The following ATP9B variants were observed in gnomAD, a reference collection of about 807,000 sequenced individuals.
The protein encoded by ATP9B is ATPase phospholipid transporting 9B.
A neutral mutation model predicts 146.1 loss-of-function variants in ATP9B; 110 were observed. The observed-to-expected ratio is 0.75, with a 90% confidence interval of 0.65 to 0.88. The LOEUF is 0.88. ATP9B is among the 40% of genes least tolerant of loss of function. The pLI is 0.00. For missense variants in ATP9B, 1,499 were observed against 1,496.4 expected (o/e 1.00, Z -0.03); for synonymous variants, 604 against 569.7 (o/e 1.06, Z -0.86).
At chr18:79,250,279 GTTATGCATT>G (rs895961020) in intron 11 of ATP9B, among the ~76,000 whole-genome samples, 6 of 152,170 alleles carry the variant, frequency 3.9e-5, no homozygotes, top group Non-Finnish European at 8.8e-5. Flanking sequence ...TGAGGTGGTG[GTTATGCATT>G]TTGCAAGACA....
At chr18:79,280,440 G>A (rs1454637384) in intron 13 of ATP9B, among the ~76,000 whole-genome samples, 12 of 152,124 alleles carry the variant, frequency 7.9e-5, no homozygotes, top group Admixed American at 7.2e-4. Flanking sequence ...ATTTAAGAAA[G>A]AGGGTCACTA....
At chr18:79,255,597 G>A (rs983998330) in intron 12 of ATP9B, among the ~76,000 whole-genome samples, 4 of 152,258 alleles carry the variant, frequency 2.6e-5, no homozygotes, top group Non-Finnish European at 5.9e-5. Context: ...TGGAATGCCT[G>A]TCTCAGGCAA....
chr18:79,253,726 G>T, intron 12 of ATP9B, 185 bp downstream of exon 12: 1 of 576,324 alleles, frequency 1.7e-6, no homozygotes. Context: ...ATCAGTGCCG[G>T]TAGAATGATC....
chr18:79,072,611 C>G (rs1047422971), intron 1 of ATP9B, among the ~76,000 whole-genome samples: 10 of 152,344 alleles, frequency 6.6e-5, no homozygotes, highest in Non-Finnish European at 5.9e-5. Flanking sequence ...TCCCCCTTTT[C>G]TGTTCGACAA....
At chr18:79,365,475 C>A (rs2097021103) in intron 26 of ATP9B, among the ~76,000 whole-genome samples, 5 of 152,234 alleles carry the variant, frequency 3.3e-5, no homozygotes, top group Admixed American at 3.3e-4. Context: ...ATGTATTTAC[C>A]CCATGACCCA....
intron 11 of ATP9B, among the ~76,000 whole-genome samples, chr18:79,233,365 A>G (rs1461004022): frequency 6.6e-6 from 1 of 152,200 alleles, no homozygotes; most frequent in Non-Finnish European, 1.5e-5. Context: ...AATTTGAAGT[A>G]ATAAGTCTGA....
intron 15 of ATP9B, among the ~76,000 whole-genome samples, chr18:79,327,874 A>C (rs62096812): frequency 2.2e-4 from 3 of 13,896 alleles, no homozygotes; most frequent in Admixed American, 9.3e-4. Flanking sequence ...CGTGCTCTCC[A>C]TGGATAGTGT....
At chr18:79,240,553 C>G (rs1017879475) in intron 11 of ATP9B, among the ~76,000 whole-genome samples, 27 of 152,176 alleles carry the variant, frequency 1.8e-4, no homozygotes, top group African/African-American at 6.3e-4. Context: ...CGAGACCAGT[C>G]TGACCAACAT....
Position 79,182,681 on chromosome 18 carries a change from C to G in ATP9B, c.873+5774C>G, listed in dbSNP as rs186672173. 6.6e-5 allele frequency among the ~76,000 whole-genome samples: 10 copies of G among 152,200 alleles called. No homozygotes were observed. In the East Asian group the frequency reaches 1.9e-3, roughly 29 times the overall value. The stretch of plus-strand genomic sequence containing the variant: ...GTTACCACAACATGACTTGTAGAAG[C>G]CCTTGATTAATTTTTAATGAAAAAT... On this transcript the variant is annotated intron_variant, in intron 8 of 29. Transcript: ENST00000426216.
At chr18:79,076,558 TTC>T (rs2072640006) in intron 1 of ATP9B, among the ~76,000 whole-genome samples, 1 of 151,646 alleles carries the variant, frequency 6.6e-6, no homozygotes, top group Non-Finnish European at 1.5e-5. Context: ...GGTGTCACTT[TTC>T]TCTTACTACT....
At position 79,330,087 on chromosome 18, in the gene ATP9B, G is replaced by A; in HGVS notation, c.2011G>A (p.Asp671Asn). The change falls in exon 17 of 30, where the codon GAC becomes AAC. Residue 671 changes from aspartate to asparagine, a missense_variant. Asp to Asn is a conservative substitution (Grantham distance 23). Coordinates refer to ENST00000426216, the MANE Select transcript of ATP9B (RefSeq NM_198531.5). ...CATGTCTCCTATCGTGCAGTATAATGACTGGCTGGAAGAGGAGGTATGTGA... is the reference window on the plus strand; with the variant it reads ...CATGTCTCCTATCGTGCAGTATAATAACTGGCTGGAAGAGGAGGTATGTGA... ...VAMSPIVQYN[D>N]WLEEECGNMA... is the part of the protein sequence containing the mutation. 2 of 1,614,086 alleles carry A rather than the reference G, an allele frequency of 1.2e-6. No individual in the cohort carries two copies. Among genetic ancestry groups the A allele is most frequent in the East Asian group, 2.2e-5 (1 of 44,878 alleles).
rs1248549724 is a variant in ATP9B at position 79,239,925 on chromosome 18, C to G, written c.1108-13456C>G. On this transcript the variant is annotated intron_variant, in intron 11 of 29. Coordinates refer to ENST00000426216, the MANE Select transcript of ATP9B (RefSeq NM_198531.5). The surrounding 1 kb of genome is among the most constrained non-coding windows in gnomAD (Gnocchi z 5.1). ...TGAGCGGAGAGGCTTGCTCTGCCTG[C>G]GTCCCCATCAGCGGTGACCAGCAGA... Among the ~76,000 whole-genome samples, 1 of 152,200 alleles carries G rather than the reference C, an allele frequency of 6.6e-6. No homozygotes were observed. Among genetic ancestry groups the G allele is most frequent in the East Asian group, 1.9e-4 (1 of 5,180 alleles).
rs562326814 is a variant in ATP9B at position 79,213,358 on chromosome 18, T to C, written c.1031-604T>C. 2.8e-3 allele frequency among the ~76,000 whole-genome samples: 431 copies of C among 152,274 alleles called. 5 individuals carry two copies. The highest frequency in any genetic ancestry group is 9.9e-3 in the African/African-American group (410 of 41,568). ...GGTCATACCAAGGATATTTTATTAT[T>C]CTTTTCTCTTAAATTTAAAAATTAT... On this transcript the variant is annotated intron_variant, in intron 10 of 29. Transcript: ENST00000426216.
intron 25 of ATP9B, among the ~76,000 whole-genome samples, chr18:79,349,062 T>A (rs1424002571): frequency 6.6e-6 from 1 of 152,228 alleles, no homozygotes; most frequent in Non-Finnish European, 1.5e-5. Context: ...CATTGAAAGC[T>A]GAGCTGATTT....
At chr18:79,340,538 G>C (rs1213484610) in intron 19 of ATP9B, 1 of 152,126 alleles carries the variant, frequency 6.6e-6, no homozygotes, top group Non-Finnish European at 1.5e-5. Flanking sequence ...CAGATAATCA[G>C]TACACTGTAG....
chr18:79,217,750 T>G (rs770925582), intron 11 of ATP9B, among the ~76,000 whole-genome samples: 22 of 152,168 alleles, frequency 1.4e-4, no homozygotes, highest in Non-Finnish European at 2.9e-4. Context: ...GGTAAGACTG[T>G]TTTCTGACGG....
chr18:79,096,457 C>T lies in ATP9B; in HGVS notation c.120-19C>T. 2 of 1,607,974 alleles carry T rather than the reference C, an allele frequency of 1.2e-6. No homozygotes were observed. The highest frequency in any genetic ancestry group is 1.7e-6 in the Non-Finnish European group (2 of 1,178,490). ...AGACTGCTTGGCCTATCTCAGCACT[C>T]CATTTTTACCCTAACTAGGTACCAG... On this transcript the variant is annotated intron_variant, in intron 1 of 29. Transcript: ENST00000426216.
intron 14 of ATP9B, among the ~76,000 whole-genome samples, chr18:79,304,190 G>GTTTC (rs944237073): frequency 4.1e-4 from 62 of 152,170 alleles, no homozygotes; most frequent in African/African-American, 1.5e-3. Flanking sequence ...AGGTGGTGAT[G>GTTTC]TTTCATCTGT....
intron 7 of ATP9B, among the ~76,000 whole-genome samples, chr18:79,158,296 C>T (rs2094826147): frequency 6.6e-6 from 1 of 151,730 alleles, no homozygotes; most frequent in South Asian, 2.1e-4. Context: ...TTTGTAGAGA[C>T]AGGGTCTTGC....
Sources: allele counts gnomAD v4.1 joint callset (sites outside exome capture counted in the v4.1 genomes callset), GRCh38; gene constraint gnomAD v4.1.1; non-coding constraint Gnocchi (gnomAD v3.1); transcripts MANE v1.5; gene names NCBI Gene and HGNC (gene_info 2026-07-23, HGNC 2026-07-21).